GLI2: variants seen among roughly 807,000 people sequenced by gnomAD.
GLI2 encodes the protein transcription activator GLI2.
In GLI2, 22 loss-of-function variants were observed where a neutral mutation model predicts 78.9. That is an observed-to-expected ratio of 0.28 (90% confidence interval 0.20 to 0.40). The LOEUF (loss-of-function observed/expected upper bound fraction) is 0.40. Ranked by LOEUF, GLI2 falls within the 10% of genes least tolerant of loss-of-function variation. GLI2 has a pLI of 1.00. For missense variants in GLI2, 2,097 were observed against 2,213.2 expected (o/e 0.95, Z 1.05); for synonymous variants, 974 against 963.7 (o/e 1.01, Z -0.20).
At chr2:120,951,099 G>A in intron 3 of GLI2, 144 bp from the exon 4 acceptor site, 1 of 719,734 alleles carries the variant, frequency 1.4e-6, no homozygotes, top group South Asian at 1.5e-5. Flanking sequence ...ATGACCAGGG[G>A]AATGTCGGTG....
intron 1 of GLI2, among the ~76,000 whole-genome samples, chr2:120,794,528 G>A (rs182035938): frequency 1.3e-5 from 2 of 152,292 alleles, no homozygotes; most frequent in East Asian, 3.9e-4. Flanking sequence ...ACCCAGAGGG[G>A]AAAGAGTGCC....
At chr2:120,852,093 G>A (rs78446499) in intron 2 of GLI2, among the ~76,000 whole-genome samples, 162 of 152,312 alleles carry the variant, frequency 1.1e-3, no homozygotes, top group African/African-American at 3.3e-3. Flanking sequence ...CACTAAGGGC[G>A]AGAAGTCCCA....
chr2:120,887,317 A>G (rs1677459991), intron 2 of GLI2, among the ~76,000 whole-genome samples: 1 of 152,232 alleles, frequency 6.6e-6, no homozygotes, highest in East Asian at 1.9e-4. Flanking sequence ...ATTCCCCCAC[A>G]GTGAACCTGA....
intron 2 of GLI2, among the ~76,000 whole-genome samples, chr2:120,863,834 G>C (rs79822242): frequency 6.6e-6 from 1 of 152,300 alleles, no homozygotes; most frequent in East Asian, 1.9e-4. Flanking sequence ...GGGCGAGGCC[G>C]AGGCAGCCCT....
intron 2 of GLI2, among the ~76,000 whole-genome samples, chr2:120,910,198 A>T (rs887788246): frequency 4.6e-5 from 7 of 151,910 alleles, no homozygotes; most frequent in African/African-American, 1.7e-4. Flanking sequence ...CCCACAACTT[A>T]TAATGCTAAC....
intron 2 of GLI2, among the ~76,000 whole-genome samples, chr2:120,894,135 C>T (rs1357704905): frequency 2.0e-5 from 3 of 152,250 alleles, no homozygotes; most frequent in African/African-American, 7.2e-5. Context: ...TCCTTTCTCT[C>T]TGCTGCTCAC....
intron 1 of GLI2, among the ~76,000 whole-genome samples, chr2:120,769,991 C>T (rs1264513749): frequency 6.6e-6 from 1 of 152,152 alleles, no homozygotes; most frequent in Non-Finnish European, 1.5e-5. Flanking sequence ...TCATTTTGGC[C>T]CTGCAGAAGG....
chr2:120,956,054 A>G (rs1681246310), intron 5 of GLI2, among the ~76,000 whole-genome samples: 1 of 152,082 alleles, frequency 6.6e-6, no homozygotes, highest in Non-Finnish European at 1.5e-5. Flanking sequence ...CAGAGGAGAA[A>G]AGAGAGCTGA....
At position 120,867,637 on chromosome 2, in the gene GLI2, C is replaced by T. The variant is rs1466576452; in HGVS notation, c.149-59724C>T. ...GGACGGCAGCTTTTCCGGAGACGCT[C>T]CCTGGAAAGGAGTGCTGATGAGGCC... On this transcript the variant is annotated intron_variant, in intron 2 of 13. Transcript: ENST00000361492. 2.6e-5 allele frequency among the ~76,000 whole-genome samples: 4 copies of T among 152,216 alleles called. No homozygotes were observed. The East Asian group carries it at 5.8e-4, about 22-fold the overall frequency.
At position 120,989,921 on chromosome 2, in the gene GLI2, G is replaced by A. The variant is rs771047694; in HGVS notation, c.3956G>A (p.Gly1319Asp). 1.9e-6 allele frequency: 3 copies of A among 1,612,312 alleles called. No individual in the cohort carries two copies. The highest frequency in any genetic ancestry group is 2.5e-6 in the Non-Finnish European group (3 of 1,179,744). ...CTGGCAGCCTCCATGAGCCAGGAGG[G>A]CTACCACCAGGTCCCCAGCCTTCTG... ...HHLAASMSQE[G>D]YHQVPSLLPA... is the part of the protein sequence containing the mutation. The change falls in exon 14 of 14, where the codon GGC becomes GAC. Residue 1319 changes from glycine (G) to aspartate (D), a missense_variant. Coordinates refer to ENST00000361492, the MANE Select transcript of GLI2 (RefSeq NM_001374353.1).
At chr2:120,906,468 G>A (rs972789661) in intron 2 of GLI2, among the ~76,000 whole-genome samples, 2 of 152,052 alleles carry the variant, frequency 1.3e-5, no homozygotes, top group African/African-American at 4.8e-5. Context: ...AAACTAAGGG[G>A]CCAGGTGAGC....
At position 120,984,607 on chromosome 2, in the gene GLI2, C is replaced by T; in HGVS notation, c.1769C>T (p.Thr590Ile). 1 of 1,614,244 alleles carries T rather than the reference C, an allele frequency of 6.2e-7. No homozygotes were observed. Among genetic ancestry groups the T allele is most frequent in the Non-Finnish European group, 8.5e-7 (1 of 1,180,044 alleles). The change falls in exon 12 of 14, where the codon ACA (threonine) becomes ATA (isoleucine). Residue 590 changes from threonine (T) to isoleucine (I), a missense_variant. This residue lies in a region of GLI2 where 57 missense variants were observed against 44.5 expected (regional missense o/e 1.28). Transcript: ENST00000361492. The stretch of plus-strand genomic sequence containing the variant: ...CAGCGCAATGACGTGCACCTCCGCA[C>T]ACCGCTGCTCAAAGAGAATGGGGAC... ...KKQRNDVHLR[T>I]PLLKENGDSE...
chr2:120,850,327 A>T (rs79137283), intron 2 of GLI2, among the ~76,000 whole-genome samples: 2 of 144,030 alleles, frequency 1.4e-5, no homozygotes, highest in East Asian at 2.1e-4. Flanking sequence ...AGAACAAAAC[A>T]AAACTAAACA....
chr2:120,828,426 C>G (rs1363189618), intron 2 of GLI2, among the ~76,000 whole-genome samples: 1 of 152,248 alleles, frequency 6.6e-6, no homozygotes, highest in Non-Finnish European at 1.5e-5. Context: ...AAATTTAAAC[C>G]TGATTTTTTT....
In GLI2 at chr2:120,986,409, A is replaced by G. The variant is rs146059306; in HGVS notation, c.2037A>G (p.Ala679=). ...CCGGGAGCCTGGGAGACCTGACGGC[A>G]CTGGATGACACACCCCCAGGGGCCG... ...TGPGSLGDLT[A]LDDTPPGADT... Residue 679 remains alanine (A), a synonymous_variant, in exon 13 of 14, where the codon GCA becomes GCG. Transcript: ENST00000361492. 6.1e-4 allele frequency: 990 copies of G among 1,613,804 alleles called. 5 individuals carry two copies. In the African/African-American group the frequency reaches 0.012, roughly 19 times the overall value.
At chr2:120,801,256 A>G (rs1425079676) in intron 2 of GLI2, among the ~76,000 whole-genome samples, 1 of 152,152 alleles carries the variant, frequency 6.6e-6, no homozygotes, top group Non-Finnish European at 1.5e-5. Context: ...CTCCTGCTTC[A>G]GCCTTCTGAG....
At chr2:120,766,979 G>A (rs1476538912) in intron 1 of GLI2, among the ~76,000 whole-genome samples, 1 of 152,202 alleles carries the variant, frequency 6.6e-6, no homozygotes, top group Non-Finnish European at 1.5e-5. Flanking sequence ...GGCCACACCT[G>A]TAGGAATGTG....
At chr2:120,811,535 A>T (rs375492487) in intron 2 of GLI2, among the ~76,000 whole-genome samples, 2 of 152,176 alleles carry the variant, frequency 1.3e-5, no homozygotes, top group African/African-American at 4.8e-5. Context: ...GCAGAGGCTC[A>T]ACGAGGGGTG....
intron 2 of GLI2, among the ~76,000 whole-genome samples, chr2:120,869,485 G>T (rs1436366614): frequency 6.6e-6 from 1 of 152,110 alleles, no homozygotes; most frequent in Non-Finnish European, 1.5e-5. Flanking sequence ...CTAGATAATG[G>T]ATTTTATGAA....
Sources: gnomAD v4.1 joint callset for allele counts (sites outside exome capture counted in the v4.1 genomes callset) on GRCh38, gnomAD v4.1.1 for gene constraint, gnomAD v4.1.1 regional missense constraint, MANE v1.5 for transcripts, NCBI Gene and HGNC (gene_info 2026-07-23, HGNC 2026-07-21) for gene names.